Variants in WWP2 observed in about 807,000 individuals in gnomAD.
WWP2 encodes the protein WW domain containing E3 ubiquitin protein ligase 2.
WWP2 carries 57 observed loss-of-function variants against 121.0 expected under a neutral mutation model. The observed-to-expected ratio is 0.47, with a 90% CI of 0.38 to 0.59. WWP2 has a LOEUF of 0.59. Ranked by LOEUF, WWP2 falls within the 20% of genes least tolerant of loss-of-function variation. The pLI is 0.00. For synonymous variants in WWP2, 449 were observed against 441.3 expected (o/e 1.02, Z -0.22); for missense variants, 962 against 1,158.9 (o/e 0.83, Z 2.47).
chr16:69,932,653 C>T (rs1301243728), intron 16 of WWP2, among the ~76,000 whole-genome samples: 2 of 152,202 alleles, frequency 1.3e-5, no homozygotes, highest in African/African-American at 2.4e-5. Flanking sequence ...CAGGTGTCCC[C>T]GTGTGGATAA....
At chr16:69,926,945 GCCCAGT>G (rs888731672) in intron 11 of WWP2, among the ~76,000 whole-genome samples, 2 of 152,172 alleles carry the variant, frequency 1.3e-5, no homozygotes, top group African/African-American at 4.8e-5. Context: ...AGGTGATGTA[GCCCAGT>G]CAAGTGGGTT....
At chr16:69,888,355 T>A in intron 8 of WWP2, 106 bp downstream of exon 8, 1 of 1,207,954 alleles carries the variant, frequency 8.3e-7, no homozygotes, top group Non-Finnish European at 1.1e-6. Flanking sequence ...GCTAGTAGCC[T>A]CTGGGGAGGC....
chr16:69,780,819 G>A (rs1001980655), intron 1 of WWP2, among the ~76,000 whole-genome samples: 2 of 152,138 alleles, frequency 1.3e-5, no homozygotes, highest in Non-Finnish European at 2.9e-5. Flanking sequence ...GCCTGGGCAA[G>A]ATGGTGAGAT....
intron 7 of WWP2, among the ~76,000 whole-genome samples, chr16:69,884,687 C>T (rs2057892461): frequency 6.6e-6 from 1 of 152,108 alleles, no homozygotes; most frequent in Admixed American, 6.6e-5. Flanking sequence ...GAATCCAGTG[C>T]CTCATAAAGA....
At chr16:69,786,543 T>C (rs1229086656) in intron 1 of WWP2, among the ~76,000 whole-genome samples, 1 of 145,680 alleles carries the variant, frequency 6.9e-6, no homozygotes, top group Non-Finnish European at 1.5e-5. Flanking sequence ...CTCCGCCTCC[T>C]GGGCTCAAGT....
chr16:69,883,428 T>A (rs917991706), intron 7 of WWP2, among the ~76,000 whole-genome samples: 1 of 125,818 alleles, frequency 7.9e-6, no homozygotes, highest in African/African-American at 3.0e-5. Context: ...ACACACACAC[T>A]CATTTACTCC....
chr16:69,854,284 A>G (rs2057271000), intron 6 of WWP2, among the ~76,000 whole-genome samples: 1 of 152,200 alleles, frequency 6.6e-6, no homozygotes, highest in Admixed American at 6.5e-5. Flanking sequence ...AACTGGCTGC[A>G]AATGCTTTAG....
At chr16:69,829,099 G>T (rs1307899237) in intron 4 of WWP2, among the ~76,000 whole-genome samples, 1 of 152,012 alleles carries the variant, frequency 6.6e-6, no homozygotes, top group Admixed American at 6.6e-5. Flanking sequence ...TTCGATACCC[G>T]ACCCCTCTTG....
chr16:69,921,007 G>C (rs2058554409), intron 10 of WWP2, among the ~76,000 whole-genome samples: 1 of 152,014 alleles, frequency 6.6e-6, no homozygotes, highest in South Asian at 2.1e-4. Context: ...TGACTTGGAG[G>C]GTTCCCTAGA....
chr16:69,831,334 T>C (rs1324773148), intron 4 of WWP2, among the ~76,000 whole-genome samples: 4 of 152,118 alleles, frequency 2.6e-5, no homozygotes, highest in Non-Finnish European at 5.9e-5. Flanking sequence ...AATGAGAAAA[T>C]ACCCCAAACT....
rs1309973526 is a variant in WWP2, at chr16:69,888,227, G to A, written c.892G>A (p.Ala298Thr). The change falls in exon 8 of 24, where the codon GCC becomes ACC. Residue 298 changes from alanine to threonine, a missense_variant. By Grantham distance (58) the Ala-to-Thr change is moderately conservative. This residue lies in a region of WWP2 where 211 missense variants were observed against 196.5 expected (regional missense o/e 1.07). Transcript: ENST00000359154. ...GTQQLPAAAQ[A>T]PDALPAGWEQ... ...ACAGCAGCTCCCAGCGGCTGCCCAGGCCCCCGACGCTCTGCCTGCTGGGTG... is the reference window on the plus strand; with the variant it reads ...ACAGCAGCTCCCAGCGGCTGCCCAGACCCCCGACGCTCTGCCTGCTGGGTG... 1 of 1,614,066 alleles carries A rather than the reference G, an allele frequency of 6.2e-7. No individual in the cohort carries two copies. Among genetic ancestry groups the A allele is most frequent in the Non-Finnish European group, 8.5e-7 (1 of 1,180,024 alleles).
intron 4 of WWP2, among the ~76,000 whole-genome samples, chr16:69,809,838 A>G (rs2056354193): frequency 1.3e-5 from 2 of 151,920 alleles, no homozygotes. Flanking sequence ...AGAGAGAGAA[A>G]AAGAAAAAAG....
chr16:69,869,914 T>G (rs1482433965), intron 6 of WWP2, among the ~76,000 whole-genome samples: 2 of 152,164 alleles, frequency 1.3e-5, no homozygotes, highest in African/African-American at 4.8e-5. Flanking sequence ...CTGCTGGAGG[T>G]GGATCCTCCC....
chr16:69,869,246 C>G (rs1035831882), intron 6 of WWP2, among the ~76,000 whole-genome samples: 1 of 152,048 alleles, frequency 6.6e-6, no homozygotes, highest in African/African-American at 2.4e-5. Flanking sequence ...AAAAGAGAGT[C>G]CACATTGAGT....
chr16:69,787,660 C>T (rs1023170483), intron 2 of WWP2, among the ~76,000 whole-genome samples: 14 of 152,196 alleles, frequency 9.2e-5, no homozygotes, highest in African/African-American at 3.4e-4. Context: ...TCGTTGCTAC[C>T]TGCACTCGCT....
chr16:69,874,253 CT>C (rs2151919963), intron 7 of WWP2, among the ~76,000 whole-genome samples: 1 of 152,304 alleles, frequency 6.6e-6, no homozygotes, highest in African/African-American at 2.4e-5. Flanking sequence ...ACAGTGTCAC[CT>C]TTGCCGTGGG....
intron 6 of WWP2, among the ~76,000 whole-genome samples, chr16:69,855,386 C>G (rs1226788469): frequency 6.6e-6 from 1 of 152,148 alleles, no homozygotes; most frequent in Non-Finnish European, 1.5e-5. Flanking sequence ...GTCACCAAAG[C>G]CCCCCTGACC....
At chr16:69,915,255 A>G (rs1353188655) in intron 9 of WWP2, among the ~76,000 whole-genome samples, 2 of 152,268 alleles carry the variant, frequency 1.3e-5, no homozygotes, top group African/African-American at 2.4e-5. Context: ...TACTTATAGT[A>G]TTCTACATTG....
At chr16:69,776,556 G>A (rs939822801) in intron 1 of WWP2, among the ~76,000 whole-genome samples, 4 of 152,168 alleles carry the variant, frequency 2.6e-5, no homozygotes, top group African/African-American at 2.4e-5. Context: ...TAGGCCGGGC[G>A]CAGTGGCTTA....
Sources: allele counts gnomAD v4.1 joint callset (sites outside exome capture counted in the v4.1 genomes callset), GRCh38; gene constraint gnomAD v4.1.1; regional missense constraint gnomAD v4.1.1; transcripts MANE v1.5; gene names NCBI Gene and HGNC (gene_info 2026-07-23, HGNC 2026-07-21).